The following PPFIA2 variants were observed in gnomAD, a reference collection of about 807,000 sequenced individuals.
PPFIA2 encodes PPFI scaffold protein A2, also known as liprin-alpha-2.
In PPFIA2, 46 loss-of-function variants were observed where a neutral mutation model predicts 175.5. The observed-to-expected ratio is 0.26, with a 90% CI of 0.21 to 0.34. PPFIA2 has a LOEUF of 0.34. Ranked by LOEUF, PPFIA2 falls within the 10% of genes least tolerant of loss-of-function variation. The pLI, the probability that PPFIA2 is intolerant of heterozygous loss-of-function variation, is 1.00. For missense variants in PPFIA2, 1,179 were observed against 1,506.1 expected (o/e 0.78, Z 3.60); for synonymous variants, 568 against 511.4 (o/e 1.11, Z -1.49).
Position 81,258,670 on chromosome 12 carries a change from G to A in PPFIA2, c.*1024C>T, listed in dbSNP as rs960675612. 25 of 152,058 alleles carry A rather than the reference G, an allele frequency of 1.6e-4. No homozygotes were observed. Among genetic ancestry groups the A allele is most frequent in the African/African-American group, 6.0e-4 (25 of 41,414 alleles). The allele number at this position is 152,058 out of a possible 1,614,324, so 9.4% of individuals were successfully genotyped here. On this transcript the variant is annotated 3_prime_UTR_variant, in exon 33 of 33. Coordinates refer to ENST00000549396, the MANE Select transcript of PPFIA2 (RefSeq NM_003625.5). ...CGCAACAAGGCCATCTCGGCTAAAA[G>A]CTTATAACATTAGACATGAGTCTGG...
chr12:81,367,343 C>G (rs182808206), intron 13 of PPFIA2, among the ~76,000 whole-genome samples, 173 bp from the exon 14 acceptor site: 10 of 151,644 alleles, frequency 6.6e-5, no homozygotes, highest in Admixed American at 5.3e-4. Flanking sequence ...GTGAGACCTT[C>G]ACATTTAAAA....
At chr12:81,672,187 A>G (rs767805019) in intron 4 of PPFIA2, among the ~76,000 whole-genome samples, 141 of 152,116 alleles carry the variant, frequency 9.3e-4, no homozygotes, top group East Asian at 7.8e-4. Context: ...ATACAACAAT[A>G]TAAGGTTGAA....
intron 3 of PPFIA2, 66 bp downstream of exon 3, chr12:81,753,907 G>C: frequency 1.9e-6 from 3 of 1,561,038 alleles, no homozygotes; most frequent in African/African-American, 2.7e-5. Flanking sequence ...TTAAGAATGG[G>C]AGTAAAGTGA....
chr12:81,263,214 A>G lies in PPFIA2; in HGVS notation c.3715+17T>C. ...CAAGCTTTTTGCTTGATAAGCAGCA[A>G]TGCAAAACTACTGTACCATCTGTTG... On this transcript the variant is annotated intron_variant, in intron 31 of 32. Transcript: ENST00000549396. 1.9e-6 allele frequency: 3 copies of G among 1,583,566 alleles called. No homozygotes were observed. The highest frequency in any genetic ancestry group is 2.6e-6 in the Non-Finnish European group (3 of 1,159,266).
intron 4 of PPFIA2, among the ~76,000 whole-genome samples, chr12:81,571,790 T>C (rs2153414735): frequency 6.6e-6 from 1 of 152,260 alleles, no homozygotes; most frequent in African/African-American, 2.4e-5. Flanking sequence ...GTTTTTCACT[T>C]TTTTTCTGGG....
chr12:81,472,096 C>T (rs1243343175), intron 4 of PPFIA2, among the ~76,000 whole-genome samples: 1 of 152,068 alleles, frequency 6.6e-6, no homozygotes, highest in East Asian at 1.9e-4. Context: ...AGAAGCCAGT[C>T]ACAAAGGACC....
intron 3 of PPFIA2, among the ~76,000 whole-genome samples, chr12:81,753,482 A>C (rs1439680122): frequency 6.6e-6 from 1 of 151,890 alleles, no homozygotes; most frequent in Admixed American, 6.6e-5. Flanking sequence ...GGAGAGGATA[A>C]TATATTAGTA....
intron 29 of PPFIA2, chr12:81,267,320 T>G: frequency 2.3e-6 from 1 of 428,588 alleles, no homozygotes; most frequent in Non-Finnish European, 4.4e-6. Flanking sequence ...CTCTGAAATA[T>G]GTAAAAACAA....
chr12:81,591,581 A>G (rs1359592775), intron 4 of PPFIA2, among the ~76,000 whole-genome samples: 1 of 152,126 alleles, frequency 6.6e-6, no homozygotes, highest in African/African-American at 2.4e-5. Context: ...TGCTATGTAC[A>G]GTCTAGGGAC....
chr12:81,655,939 T>C (rs1009833676), intron 4 of PPFIA2, among the ~76,000 whole-genome samples: 19 of 152,182 alleles, frequency 1.2e-4, no homozygotes, highest in African/African-American at 4.3e-4. Context: ...TTTAAATATA[T>C]GTTATTAGAT....
chr12:81,517,752 G>A (rs767583351), intron 4 of PPFIA2, among the ~76,000 whole-genome samples: 2 of 152,026 alleles, frequency 1.3e-5, no homozygotes, highest in African/African-American at 4.8e-5. Context: ...ACACAGAAAC[G>A]TTGGTTAGTT....
intron 6 of PPFIA2, 76 bp downstream of exon 6, chr12:81,445,480 T>A (rs1240906878): frequency 5.0e-6 from 7 of 1,400,464 alleles, no homozygotes; most frequent in Non-Finnish European, 6.8e-6. Context: ...GTCAGGTGAG[T>A]CAATGGATGA....
At chr12:81,343,888 G>A (rs2058589304) in intron 19 of PPFIA2, among the ~76,000 whole-genome samples, 1 of 151,966 alleles carries the variant, frequency 6.6e-6, no homozygotes, top group Admixed American at 6.6e-5. Flanking sequence ...TTAATTCCTG[G>A]AAATAGCACA....
At chr12:81,646,901 G>C (rs939795107) in intron 4 of PPFIA2, among the ~76,000 whole-genome samples, 5 of 151,842 alleles carry the variant, frequency 3.3e-5, no homozygotes, top group Admixed American at 1.3e-4. Flanking sequence ...ATGAAGGTGG[G>C]GGGAGGGAAG....
intron 4 of PPFIA2, among the ~76,000 whole-genome samples, chr12:81,486,707 C>A (rs1021034325): frequency 4.6e-5 from 7 of 151,844 alleles, no homozygotes; most frequent in African/African-American, 1.7e-4. Context: ...AGTAGGACAT[C>A]AGCCACACAA....
chr12:81,594,662 C>T (rs2059048541), intron 4 of PPFIA2, among the ~76,000 whole-genome samples: 1 of 152,194 alleles, frequency 6.6e-6, no homozygotes, highest in South Asian at 2.1e-4. Context: ...CTCCTGTAAT[C>T]CCAGCACTTT....
In PPFIA2 at chr12:81,263,364, T is replaced by A. The variant is rs1035624022; in HGVS notation, c.3582A>T (p.Gly1194=). 6.2e-7 allele frequency: 1 copy of A among 1,613,530 alleles called. No individual in the cohort carries two copies. The highest frequency in any genetic ancestry group is 8.5e-7 in the Non-Finnish European group (1 of 1,179,498). ...DESDDKNFRR[G]STWRRQFPPR... ...GAGGAAACTGCCTTCTCCAGGTTGA[T>A]CCACGTCTGAAGTTCTTGTCATCAC... The change falls in exon 31 of 33, where the codon GGA becomes GGT. Residue 1194 remains glycine, a synonymous_variant. Coordinates refer to ENST00000549396, the MANE Select transcript of PPFIA2 (RefSeq NM_003625.5).
chr12:81,308,147 A>G (rs1472416841), intron 22 of PPFIA2, among the ~76,000 whole-genome samples: 2 of 152,192 alleles, frequency 1.3e-5, no homozygotes, highest in Non-Finnish European at 1.5e-5. Context: ...GCTATAATTG[A>G]GATACATCTA....
At chr12:81,352,884 G>T (rs569313900) in intron 17 of PPFIA2, among the ~76,000 whole-genome samples, 2 of 152,184 alleles carry the variant, frequency 1.3e-5, no homozygotes, top group Admixed American at 1.3e-4. Context: ...AATCTTATAT[G>T]TTTCATGTAT....
Sources: allele counts gnomAD v4.1 joint callset (sites outside exome capture counted in the v4.1 genomes callset), GRCh38; gene constraint gnomAD v4.1.1; transcripts MANE v1.5; gene names NCBI Gene and HGNC (gene_info 2026-07-23, HGNC 2026-07-21).